Variants in FGF13 observed in about 807,000 individuals in gnomAD.
FGF13 encodes fibroblast growth factor 13.
Under a neutral mutation model 19.5 loss-of-function variants are expected in FGF13, and 2 were observed. The ratio of observed to expected loss-of-function variants is 0.10; its 90% confidence interval spans 0.04 to 0.32. FGF13 has a LOEUF of 0.32. Among genes scored for constraint, FGF13 ranks in the 10% least tolerant of loss-of-function variants. The pLI, the probability that FGF13 is intolerant of heterozygous loss-of-function variation, is 1.00. For synonymous variants in FGF13, 72 were observed against 76.9 expected (o/e 0.94, Z 0.33); for missense variants, 113 against 192.7 (o/e 0.59, Z 2.45).
chrX:139,141,782 C>A (rs2083847639), intron 1 of FGF13, among the ~76,000 whole-genome samples: 1 of 112,199 alleles, frequency 8.9e-6, no homozygotes, highest in African/African-American at 3.2e-5. Context: ...CTGAATAAAC[C>A]ATTAACATGG....
At chrX:138,644,538 G>T (rs778907550) in intron 3 of FGF13, among the ~76,000 whole-genome samples, 3 of 110,883 alleles carry the variant, frequency 2.7e-5, no homozygotes, top group Non-Finnish European at 5.7e-5. Flanking sequence ...CCTTGGCCTC[G>T]CAAAGTGCTG....
At position 138,709,725 on chromosome X, in the gene FGF13, C is replaced by A. The variant is rs188622098; in HGVS notation, c.188-797G>T. ...CATTTACCAATAACAGCCATGTTATCCAAAATTTTCTTTTACTGAATATAG... is the reference window on the plus strand; with the variant it reads ...CATTTACCAATAACAGCCATGTTATACAAAATTTTCTTTTACTGAATATAG... On this transcript the variant is annotated intron_variant, in intron 1 of 4. Transcript: ENST00000315930. Among the ~76,000 whole-genome samples, 157 of 112,035 alleles carry A rather than the reference C, an allele frequency of 1.4e-3. 1 individual carries two copies. Among genetic ancestry groups the A allele is most frequent in the African/African-American group, 4.8e-3 (149 of 30,850 alleles).
chrX:138,708,049 A>C (rs1299751405), intron 2 of FGF13, among the ~76,000 whole-genome samples: 3 of 112,520 alleles, frequency 2.7e-5, no homozygotes, highest in Non-Finnish European at 3.7e-5. Flanking sequence ...CTTGTGGAAC[A>C]TTTAGTAAGT....
intron 1 of FGF13, among the ~76,000 whole-genome samples, chrX:138,926,380 A>C (rs2091674416): frequency 8.9e-6 from 1 of 112,572 alleles, no homozygotes; most frequent in Non-Finnish European, 1.9e-5. Flanking sequence ...AATCAGCATA[A>C]CATATAAGTA....
At chrX:138,756,794 C>G (rs1458610715) in intron 3 of FGF13, among the ~76,000 whole-genome samples, 1 of 111,255 alleles carries the variant, frequency 9.0e-6, no homozygotes, top group Non-Finnish European at 1.9e-5. Context: ...CAGTTCTGTC[C>G]CTCCTCCTAA....
chrX:138,723,479 C>T (rs1463085464), intron 1 of FGF13, among the ~76,000 whole-genome samples: 1 of 111,114 alleles, frequency 9.0e-6, no homozygotes, highest in Non-Finnish European at 1.9e-5. Context: ...GCCTAATTTG[C>T]GCATTCTGCT....
At chrX:138,761,059 A>T (rs1168258376) in intron 3 of FGF13, among the ~76,000 whole-genome samples, 1 of 112,067 alleles carries the variant, frequency 8.9e-6, no homozygotes, top group Non-Finnish European at 1.9e-5. Flanking sequence ...ATGTAGATTT[A>T]CATGGATGTA....
rs72616247 is a variant in FGF13 at position 138,674,980 on chromosome X, A to G, written c.402+28004T>C. 3.6e-5 allele frequency among the ~76,000 whole-genome samples: 4 copies of G among 111,837 alleles called. No individual in the cohort carries two copies. In the East Asian group the frequency reaches 1.1e-3, roughly 32 times the overall value. Reference sequence around the variant, plus strand: ...AATCAAACACAGGAAAGGCTCCCAAAGAGTTTTATCTCCCCTTTACAGGAG... The same window carrying G: ...AATCAAACACAGGAAAGGCTCCCAAGGAGTTTTATCTCCCCTTTACAGGAG... On this transcript the variant is annotated intron_variant, in intron 3 of 4. Coordinates refer to ENST00000315930, the MANE Select transcript of FGF13 (RefSeq NM_004114.5).
At position 138,627,597 on chromosome X, in the gene FGF13, C is replaced by CTG. The variant is rs4019360; in HGVS notation, c.*5251_*5252dup. On this transcript the variant is annotated 3_prime_UTR_variant, in exon 5 of 5. Coordinates refer to ENST00000315930, the MANE Select transcript of FGF13 (RefSeq NM_004114.5). ...GGAGGCCCATCTAGTGTGTGTGTGC[C>CTG]TGTGTGTGTGTGTGTGTGTGTGTGT... 0.48 allele frequency: 40,964 copies of CTG among 85,792 alleles called. 7,992 individuals are homozygous for CTG. The highest frequency in any genetic ancestry group is 0.56 in the Non-Finnish European group (25,103 of 45,116). The allele number at this position is 85,792 out of a possible 1,213,427, so 7.1% of individuals were successfully genotyped here. A position where few individuals can be genotyped will look rare whatever the true frequency, so the allele number is the denominator to read the frequency against.
intron 1 of FGF13, among the ~76,000 whole-genome samples, chrX:139,191,098 T>A (rs778520738): frequency 1.8e-5 from 2 of 112,249 alleles, no homozygotes; most frequent in South Asian, 3.7e-4. Context: ...TCAAGAGAGA[T>A]GCACTCTGAA....
At chrX:139,058,669 G>C (rs1321018555) in intron 1 of FGF13, among the ~76,000 whole-genome samples, 1 of 112,031 alleles carries the variant, frequency 8.9e-6, no homozygotes, top group Non-Finnish European at 1.9e-5. Context: ...GAAAAAATCT[G>C]TAAATCAATA....
chrX:138,743,529 T>C (rs2090333663), upstream of FGF13, among the ~76,000 whole-genome samples: 1 of 111,154 alleles, frequency 9.0e-6, no homozygotes, highest in Non-Finnish European at 1.9e-5. Flanking sequence ...CTATGGACTT[T>C]CGGTGATAAG....
intron 3 of FGF13, among the ~76,000 whole-genome samples, chrX:138,843,252 A>G: frequency 8.9e-6 from 1 of 111,883 alleles, no homozygotes; most frequent in Non-Finnish European, 1.9e-5. Flanking sequence ...CTACAGAGAT[A>G]TTTCTCCTTC....
At chrX:139,093,039 T>C (rs2083448464) in intron 1 of FGF13, among the ~76,000 whole-genome samples, 1 of 111,714 alleles carries the variant, frequency 9.0e-6, no homozygotes, top group Non-Finnish European at 1.9e-5. Flanking sequence ...CAAAAGAGCT[T>C]GGAGTGATCA....
At chrX:139,171,474 A>C (rs2084132204) in intron 1 of FGF13, among the ~76,000 whole-genome samples, 1 of 111,451 alleles carries the variant, frequency 9.0e-6, no homozygotes, top group Non-Finnish European at 1.9e-5. Flanking sequence ...TTCTAATCCA[A>C]CCCTCTACTG....
At chrX:138,676,009 C>T (rs893902835) in intron 3 of FGF13, among the ~76,000 whole-genome samples, 2 of 111,464 alleles carry the variant, frequency 1.8e-5, no homozygotes, top group Non-Finnish European at 3.8e-5. Flanking sequence ...GTTTGCATTT[C>T]GCAGTAATTC....
intron 1 of FGF13, among the ~76,000 whole-genome samples, chrX:139,122,961 C>T (rs1474446354): frequency 1.8e-5 from 2 of 111,833 alleles, no homozygotes; most frequent in Non-Finnish European, 3.8e-5. Context: ...TTAGCAACAT[C>T]GCTGACCTAC....
In FGF13 at chrX:138,838,622, G is replaced by T. The variant is rs193116428; in HGVS notation, c.217+18890C>A. Among the ~76,000 whole-genome samples, 3 of 112,041 alleles carry T rather than the reference G, an allele frequency of 2.7e-5. No individual in the cohort carries two copies. In the East Asian group the frequency reaches 8.6e-4, roughly 32 times the overall value. On this transcript the variant is annotated intron_variant, in intron 3 of 6. Transcript: ENST00000436198. Reference sequence around the variant, plus strand: ...TTGTTTCCTTCGTTAGTCCCAATGCGAGTACCTGAATGTTTCAGTTGAAGG... The same window carrying T: ...TTGTTTCCTTCGTTAGTCCCAATGCTAGTACCTGAATGTTTCAGTTGAAGG...
At chrX:139,063,553 G>A (rs1359572202) in intron 1 of FGF13, among the ~76,000 whole-genome samples, 1 of 111,249 alleles carries the variant, frequency 9.0e-6, no homozygotes, top group Non-Finnish European at 1.9e-5. Flanking sequence ...ATCAGGTGAA[G>A]GATCTATTTC....
Sources: gnomAD v4.1 joint callset for allele counts (sites outside exome capture counted in the v4.1 genomes callset) on GRCh38, gnomAD v4.1.1 for gene constraint, MANE v1.5 for transcripts, NCBI Gene and HGNC (gene_info 2026-07-23, HGNC 2026-07-21) for gene names.